RGS9: variants seen among roughly 807,000 people sequenced by gnomAD.
RGS9 encodes regulator of G-protein signalling 9.
In RGS9, 78 loss-of-function variants were observed where a neutral mutation model predicts 102.0. The ratio of observed to expected loss-of-function variants is 0.76; its 90% CI spans 0.64 to 0.92. RGS9 has a LOEUF of 0.92. RGS9 is among the 40% of genes least tolerant of loss of function. The probability of loss-of-function intolerance (pLI) is 0.00; values close to 1 mark genes in which losing one functional copy is unlikely to be tolerated. For synonymous variants in RGS9, 353 were observed against 318.6 expected (o/e 1.11, Z -1.15); for missense variants, 833 against 866.1 (o/e 0.96, Z 0.48).
intron 18 of RGS9, 107 bp downstream of exon 18, chr17:65,225,593 A>G (rs779625050): frequency 1.2e-5 from 19 of 1,523,536 alleles, no homozygotes; most frequent in Admixed American, 1.7e-5. Flanking sequence ...GGGTGAGAAC[A>G]GATACCCCAG....
chr17:65,159,186 C>A (rs1910886229), intron 3 of RGS9, among the ~76,000 whole-genome samples: 1 of 150,456 alleles, frequency 6.6e-6, no homozygotes, highest in Non-Finnish European at 1.5e-5. Context: ...GAACAACCCC[C>A]CCTTTTTCCT....
At chr17:65,137,740 T>G (rs1034016259) in intron 1 of RGS9, 143 bp downstream of exon 1, 2 of 717,582 alleles carry the variant, frequency 2.8e-6, no homozygotes, top group African/African-American at 3.5e-5. Flanking sequence ...ACTTCTTTGC[T>G]GTGTGTGTCG....
chr17:65,139,321 T>G (rs911628531), intron 1 of RGS9, among the ~76,000 whole-genome samples: 1 of 150,984 alleles, frequency 6.6e-6, no homozygotes, highest in African/African-American at 2.4e-5. Context: ...CACACTGTTT[T>G]TTTCCCCCAA....
At chr17:65,222,044 CT>C (rs1358204536) in intron 17 of RGS9, among the ~76,000 whole-genome samples, 10 of 152,266 alleles carry the variant, frequency 6.6e-5, no homozygotes, top group Non-Finnish European at 1.5e-4. Flanking sequence ...GGGTTCTCAT[CT>C]GGATGCTTCT....
intron 17 of RGS9, among the ~76,000 whole-genome samples, chr17:65,219,653 T>C (rs1913632648): frequency 6.6e-6 from 1 of 152,206 alleles, no homozygotes; most frequent in African/African-American, 2.4e-5. Flanking sequence ...ACTTGACTTT[T>C]AGAGAAAAGG....
chr17:65,159,708 G>A (rs1245752994), intron 3 of RGS9, among the ~76,000 whole-genome samples: 1 of 152,210 alleles, frequency 6.6e-6, no homozygotes, highest in Non-Finnish European at 1.5e-5. Context: ...CGAATAAACT[G>A]GAGCAGGGTG....
chr17:65,182,572 T>C (rs16960874), intron 9 of RGS9, among the ~76,000 whole-genome samples: 4,956 of 152,354 alleles, frequency 0.033, 277 homozygotes, highest in African/African-American at 0.11. Flanking sequence ...TTGTGGCTTT[T>C]AGAAGTTTTT....
At chr17:65,166,181 C>A (rs566170505) in intron 7 of RGS9, among the ~76,000 whole-genome samples, 2 of 152,236 alleles carry the variant, frequency 1.3e-5, no homozygotes, top group Non-Finnish European at 2.9e-5. Context: ...GCTGTCCCAC[C>A]TTTTATGGCC....
At chr17:65,156,896 G>A (rs1362819117) in intron 2 of RGS9, among the ~76,000 whole-genome samples, 1 of 152,182 alleles carries the variant, frequency 6.6e-6, no homozygotes, top group Non-Finnish European at 1.5e-5. Context: ...GAGCAACAGA[G>A]GGAGAACCAT....
In RGS9 at chr17:65,137,409, G is replaced by A. The variant is rs1909946654; in HGVS notation, c.-132G>A. 2 of 868,994 alleles carry A rather than the reference G, an allele frequency of 2.3e-6. No homozygotes were observed. The highest frequency in any genetic ancestry group is 1.9e-6 in the Non-Finnish European group (1 of 528,176). 53.8% of individuals were successfully genotyped at this position (868,994 alleles called of 1,614,324 possible). A position where few individuals can be genotyped will look rare whatever the true frequency, so the allele number is the denominator to read the frequency against. On this transcript the variant is annotated 5_prime_UTR_variant, in exon 1 of 19. Coordinates refer to ENST00000262406, the MANE Select transcript of RGS9 (RefSeq NM_003835.4). Reference sequence around the variant, plus strand: ...AGTGAGAGTCAGGGGGGCCCGGCCCGCGCCCTCCCCGCCCAGCCGCCTCCC... The same window carrying A: ...AGTGAGAGTCAGGGGGGCCCGGCCCACGCCCTCCCCGCCCAGCCGCCTCCC...
chr17:65,227,645 C>A lies in RGS9; in HGVS notation c.*238C>A. On this transcript the variant is annotated 3_prime_UTR_variant, in exon 19 of 19. Coordinates refer to ENST00000262406, the MANE Select transcript of RGS9 (RefSeq NM_003835.4). Reference sequence around the variant, plus strand: ...CTGGGCAGAAGAAACGCATGTGGACCAGAAGACTTTCCCTGCTGCCTTAAA... The same window carrying A: ...CTGGGCAGAAGAAACGCATGTGGACAAGAAGACTTTCCCTGCTGCCTTAAA... The A allele has an allele frequency of 1.8e-6, 1 of 568,542 alleles. No homozygotes were observed. Among genetic ancestry groups the A allele is most frequent in the Non-Finnish European group, 3.1e-6 (1 of 317,700 alleles). 35.2% of individuals were successfully genotyped at this position (568,542 alleles called of 1,614,324 possible).
At chr17:65,191,475 TG>T (rs1439464322) in intron 11 of RGS9, among the ~76,000 whole-genome samples, 4 of 151,842 alleles carry the variant, frequency 2.6e-5, no homozygotes, top group Non-Finnish European at 5.9e-5. Context: ...TTTGGGAGGC[TG>T]GGGTGGGCAG....
intron 9 of RGS9, among the ~76,000 whole-genome samples, chr17:65,183,036 C>T (rs1354192825): frequency 7.5e-6 from 1 of 134,142 alleles, no homozygotes; most frequent in Non-Finnish European, 1.6e-5. Flanking sequence ...ACTCCTTAGA[C>T]AGCTGCACCC....
intron 2 of RGS9, among the ~76,000 whole-genome samples, chr17:65,154,843 G>T (rs900384537): frequency 6.6e-6 from 1 of 152,182 alleles, no homozygotes; most frequent in African/African-American, 2.4e-5. Flanking sequence ...GCCTCACCAC[G>T]GCTGTGCTCA....
chr17:65,148,231 C>T (rs1335962373), intron 1 of RGS9, among the ~76,000 whole-genome samples: 1 of 152,212 alleles, frequency 6.6e-6, no homozygotes, highest in East Asian at 1.9e-4. Context: ...CATCCATTTG[C>T]TTGCATATTG....
At position 65,151,357 on chromosome 17, in the gene RGS9, AAG is replaced by A. The variant is rs1491427009; in HGVS notation, c.58-2062_58-2061del. Among the ~76,000 whole-genome samples the A allele has an allele frequency of 1.1e-3, 148 of 131,894 alleles. 1 individual carries two copies. The highest frequency in any genetic ancestry group is 4.0e-3 in the Middle Eastern group (1 of 252). The allele number at this position is 131,894 out of a possible 152,430, so 86.5% of individuals were successfully genotyped here. A position where few individuals can be genotyped will look rare whatever the true frequency, so the allele number is the denominator to read the frequency against. ...AAGACCTGTCCCAAAAAAAAAAAAA[AAG>A]AGTCCTTCAGCTGATATTATTTCCA... On this transcript the variant is annotated intron_variant, in intron 1 of 18. Coordinates refer to ENST00000262406, the MANE Select transcript of RGS9 (RefSeq NM_003835.4).
At chr17:65,138,541 C>T (rs1910002006) in intron 1 of RGS9, among the ~76,000 whole-genome samples, 1 of 152,030 alleles carries the variant, frequency 6.6e-6, no homozygotes, top group Non-Finnish European at 1.5e-5. Flanking sequence ...GAGACGGTCG[C>T]ATTTGGTCCA....
intron 16 of RGS9, among the ~76,000 whole-genome samples, chr17:65,208,973 T>A (rs1262652257): frequency 6.6e-6 from 1 of 152,174 alleles, no homozygotes; most frequent in Non-Finnish European, 1.5e-5. Context: ...GGAAGGGAGT[T>A]CAGTGCCCCT....
At chr17:65,203,975 T>C (rs1404420911) in intron 14 of RGS9, among the ~76,000 whole-genome samples, 188 bp from the exon 15 acceptor site, 1 of 152,206 alleles carries the variant, frequency 6.6e-6, no homozygotes, top group Non-Finnish European at 1.5e-5. Flanking sequence ...ACTGGAAGTT[T>C]CTTGCTTCAA....
Sources: allele counts gnomAD v4.1 joint callset (sites outside exome capture counted in the v4.1 genomes callset), GRCh38; gene constraint gnomAD v4.1.1; transcripts MANE v1.5; gene names NCBI Gene and HGNC (gene_info 2026-07-23, HGNC 2026-07-21).